The following RNF213 variants were observed in gnomAD, a reference collection of about 807,000 sequenced individuals.
RNF213 encodes the protein E3 ubiquitin-protein ligase RNF213.
In RNF213, 341 loss-of-function variants were observed where a neutral mutation model predicts 514.4. The observed-to-expected ratio is 0.66, with a 90% CI of 0.61 to 0.73. RNF213 has a LOEUF of 0.73. RNF213 is among the 30% of genes least tolerant of loss of function. The pLI is 0.00. For synonymous variants in RNF213, 2,655 were observed against 2,658.2 expected (o/e 1.00, Z 0.04); for missense variants, 5,767 against 6,615.6 (o/e 0.87, Z 4.45).
At chr17:80,281,206 TCACACACACCCC>T (rs1423711720) in intron 3 of RNF213, among the ~76,000 whole-genome samples, 3 of 56,128 alleles carry the variant, frequency 5.3e-5, no homozygotes, top group Non-Finnish European at 9.7e-5. Context: ...CTCACACCAC[TCACACACACCCC>T]CACACACACC....
intron 14 of RNF213, among the ~76,000 whole-genome samples, chr17:80,312,169 C>T (rs1454353413): frequency 6.6e-6 from 1 of 152,008 alleles, no homozygotes; most frequent in Non-Finnish European, 1.5e-5. Context: ...AAAGACCACA[C>T]ATTAATCCAG....
chr17:80,305,797 T>G (rs2045337757), intron 11 of RNF213, among the ~76,000 whole-genome samples: 1 of 151,936 alleles, frequency 6.6e-6, no homozygotes, highest in Non-Finnish European at 1.5e-5. Flanking sequence ...TTTTTGTATT[T>G]TTAGTAGAGA....
At chr17:80,361,450 G>T (rs1286517744) in intron 38 of RNF213, among the ~76,000 whole-genome samples, 1 of 152,168 alleles carries the variant, frequency 6.6e-6, no homozygotes, top group Non-Finnish European at 1.5e-5. Flanking sequence ...AACCTGGGAG[G>T]CGGAGGTTGC....
At chr17:80,360,522 G>A (rs1018594433) in intron 38 of RNF213, 8 of 390,312 alleles carry the variant, frequency 2.0e-5, no homozygotes, top group Middle Eastern at 8.1e-4. Flanking sequence ...GAGGACTGTC[G>A]CCTCTATCAG....
Position 80,379,790 on chromosome 17 carries a change from G to T in RNF213, c.13640+76G>T, listed in dbSNP as rs767413935. On this transcript the variant is annotated intron_variant, in intron 55 of 67. Coordinates refer to ENST00000582970, the MANE Select transcript of RNF213 (RefSeq NM_001256071.3). Reference sequence around the variant, plus strand: ...GGCTGTTTTTATTCCAGCTGATAAAGTGATACTCAAGATAGTACTAATTAC... The same window carrying T: ...GGCTGTTTTTATTCCAGCTGATAAATTGATACTCAAGATAGTACTAATTAC... 2.5e-6 allele frequency: 3 copies of T among 1,202,334 alleles called. 1 individual carries two copies. Among genetic ancestry groups the T allele is most frequent in the African/African-American group, 1.5e-5 (1 of 67,050 alleles). The allele number at this position is 1,202,334 out of a possible 1,614,324, so 74.5% of individuals were successfully genotyped here.
chr17:80,367,909 T>A, intron 43 of RNF213, 52 bp from the exon 44 acceptor site: 2 of 1,613,942 alleles, frequency 1.2e-6, no homozygotes, highest in Non-Finnish European at 1.7e-6. Context: ...GGTTTTCACT[T>A]CTTCTGGCCA....
chr17:80,363,914 C>T (rs1253460634), intron 41 of RNF213, 124 bp downstream of exon 41: 7 of 937,056 alleles, frequency 7.5e-6, no homozygotes, highest in Non-Finnish European at 1.0e-5. Context: ...GCTCCGTCCT[C>T]ACCCGTTCAC....
At chr17:80,289,549 T>G in intron 5 of RNF213, 110 bp from the exon 6 acceptor site, 1 of 1,165,704 alleles carries the variant, frequency 8.6e-7, no homozygotes, top group Non-Finnish European at 1.2e-6. Flanking sequence ...GAGATCGCAG[T>G]ACTGCACTCC....
At chr17:80,318,791 T>C (rs903540011) in intron 16 of RNF213, among the ~76,000 whole-genome samples, 2 of 152,144 alleles carry the variant, frequency 1.3e-5, no homozygotes, top group Non-Finnish European at 2.9e-5. Context: ...GCCAGGATGG[T>C]CTCGATCTCC....
intron 11 of RNF213, among the ~76,000 whole-genome samples, chr17:80,301,098 T>A (rs543969531): frequency 6.6e-6 from 1 of 152,334 alleles, no homozygotes; most frequent in African/African-American, 2.4e-5. Flanking sequence ...GTCATCTGTT[T>A]ACTCTGTTGA....
At position 80,288,347 on chromosome 17, in the gene RNF213, G is replaced by A. The variant is rs1180914121; in HGVS notation, c.794G>A (p.Gly265Glu). 1 of 1,612,478 alleles carries A rather than the reference G, an allele frequency of 6.2e-7. No homozygotes were observed. Among genetic ancestry groups the A allele is most frequent in the Middle Eastern group, 1.7e-4 (1 of 5,950 alleles). Residue 265 changes from glycine to glutamate, a missense_variant, in exon 4 of 68, where the codon GGG becomes GAG. Gly to Glu is a moderately conservative substitution (Grantham distance 98). This residue lies in a region of RNF213 where 509 missense variants were observed against 496.7 expected (regional missense o/e 1.02). Transcript: ENST00000582970. The surrounding 1 kb of genome is among the most constrained non-coding windows in gnomAD (Gnocchi z 4.9). ...TELQTTEQQAGASASMAVDAV... is the reference protein window; with the variant it reads ...TELQTTEQQAEASASMAVDAV... ...CTGCAGACCACCGAGCAACAGGCAG[G>A]GGCCTCAGCCTCTATGGTGAGTCAT...
chr17:80,367,373 T>C (rs1434588928), intron 42 of RNF213, among the ~76,000 whole-genome samples: 1 of 152,118 alleles, frequency 6.6e-6, no homozygotes, highest in Non-Finnish European at 1.5e-5. Context: ...TTTTAAAAAA[T>C]TTAAAAATTT....
chr17:80,355,159 C>T (rs1458100447), intron 36 of RNF213: 1 of 455,946 alleles, frequency 2.2e-6, no homozygotes, highest in South Asian at 1.5e-5. Flanking sequence ...GCCTAAGAAA[C>T]CAGTGACTTG....
At chr17:80,378,339 G>A (rs2144572483) in intron 54 of RNF213, among the ~76,000 whole-genome samples, 1 of 152,338 alleles carries the variant, frequency 6.6e-6, no homozygotes, top group South Asian at 2.1e-4. Context: ...GGGAAGAACT[G>A]TTGATTATTC....
At chr17:80,379,491 GCA>G (rs2079897965) in intron 54 of RNF213, 127 bp from the exon 55 acceptor site, 1 of 902,894 alleles carries the variant, frequency 1.1e-6, no homozygotes, top group South Asian at 1.3e-5. Context: ...CCCGAAACAA[GCA>G]CACACTGGGA....
intron 49 of RNF213, 95 bp from the exon 50 acceptor site, chr17:80,374,363 C>A: frequency 6.4e-7 from 1 of 1,552,292 alleles, no homozygotes; most frequent in Non-Finnish European, 8.9e-7. Flanking sequence ...CTTTAAACCT[C>A]GAATGATCAA....
intron 22 of RNF213, among the ~76,000 whole-genome samples, chr17:80,334,569 C>T (rs1344282429): frequency 6.6e-6 from 1 of 151,994 alleles, no homozygotes; most frequent in African/African-American, 2.4e-5. Context: ...CTTTTTCTTC[C>T]AGTAGATTTT....
intron 11 of RNF213, 131 bp downstream of exon 11, chr17:80,298,649 T>C (rs2045053853): frequency 1.1e-6 from 1 of 948,896 alleles, no homozygotes; most frequent in Non-Finnish European, 1.6e-6. Context: ...ACACGCTCTT[T>C]TAACATTTTA....
At position 80,345,580 on chromosome 17, in the gene RNF213, G is replaced by A. The variant is rs4890012; in HGVS notation, c.7245G>A (p.Pro2415=). 5.2e-5 allele frequency: 84 copies of A among 1,613,434 alleles called. 2 individuals carry two copies. In the African/African-American group the frequency reaches 5.7e-4, roughly 11 times the overall value. Residue 2415 remains proline, a synonymous_variant, in exon 29 of 68, where the codon CCG becomes CCA. Transcript: ENST00000582970. The surrounding 1 kb of genome is among the most constrained non-coding windows in gnomAD (Gnocchi z 6.0). The stretch of plus-strand genomic sequence containing the variant: ...AGATGCGGTTCCGGTGTGGGATCCC[G>A]GTTATCATCATGGGAGAAACTGGCT... ...AIEMRFRCGI[P]VIIMGETGCG... is the part of the protein sequence containing the mutation.
Sources: gnomAD v4.1 joint callset for allele counts (sites outside exome capture counted in the v4.1 genomes callset) on GRCh38, gnomAD v4.1.1 for gene constraint, gnomAD v4.1.1 regional missense constraint, Gnocchi (gnomAD v3.1) non-coding constraint, MANE v1.5 for transcripts, NCBI Gene and HGNC (gene_info 2026-07-23, HGNC 2026-07-21) for gene names.